CCNY: variants seen among roughly 807,000 people sequenced by gnomAD.
CCNY encodes the protein cyclin Y, also known as cyclin-Y.
A neutral mutation model predicts 42.8 loss-of-function variants in CCNY; 19 were observed. The ratio of observed to expected loss-of-function variants is 0.44; its 90% CI spans 0.31 to 0.65. CCNY has a LOEUF of 0.65. Ranked by LOEUF, CCNY falls within the 30% of genes least tolerant of loss-of-function variation. CCNY has a pLI of 0.07. For missense variants in CCNY, 370 were observed against 437.3 expected, an observed-to-expected ratio of 0.85 and a Z score of 1.37; for synonymous variants, 165 against 162.7, an observed-to-expected ratio of 1.01 and a Z score of -0.11.
At chr10:35,435,134 G>A (rs1838500738) in intron 1 of CCNY, among the ~76,000 whole-genome samples, 1 of 152,186 alleles carries the variant, frequency 6.6e-6, no homozygotes, top group African/African-American at 2.4e-5. Flanking sequence ...TGACTGGGGA[G>A]AGTGTCTATC....
chr10:35,463,300 A>G (rs755461690), intron 1 of CCNY, among the ~76,000 whole-genome samples: 22 of 152,136 alleles, frequency 1.4e-4, no homozygotes, highest in Non-Finnish European at 2.8e-4. Context: ...CACATGGTAG[A>G]TGCTTACTAA....
At chr10:35,514,574 G>T (rs373872371) in intron 3 of CCNY, among the ~76,000 whole-genome samples, 1 of 152,160 alleles carries the variant, frequency 6.6e-6, no homozygotes, top group African/African-American at 2.4e-5. Flanking sequence ...GTATTCTGAG[G>T]GTTCCCATGA....
intron 1 of CCNY, among the ~76,000 whole-genome samples, chr10:35,396,662 A>G (rs910874780): frequency 2.0e-5 from 3 of 152,208 alleles, no homozygotes; most frequent in Non-Finnish European, 4.4e-5. Flanking sequence ...AGTTTCACCT[A>G]GGCCTCAGGG....
At chr10:35,255,300 G>A (rs376994716) in intron 3 of CCNY, among the ~76,000 whole-genome samples, 1 of 151,214 alleles carries the variant, frequency 6.6e-6, no homozygotes, top group Non-Finnish European at 1.5e-5. Context: ...GGTCTGTGAG[G>A]TGCATAGATA....
chr10:35,493,261 G>A (rs922600153), intron 2 of CCNY, among the ~76,000 whole-genome samples: 2 of 152,160 alleles, frequency 1.3e-5, no homozygotes, highest in African/African-American at 4.8e-5. Flanking sequence ...TGCTCAGTGA[G>A]CACAGATCCA....
intron 1 of CCNY, among the ~76,000 whole-genome samples, chr10:35,447,216 G>T (rs1467137359): frequency 6.6e-6 from 1 of 152,256 alleles, no homozygotes; most frequent in Non-Finnish European, 1.5e-5. Context: ...GGCGGAGCTT[G>T]CAGTGAGCTG....
chr10:35,393,599 T>TA (rs1188532589), intron 1 of CCNY, among the ~76,000 whole-genome samples: 47 of 152,338 alleles, frequency 3.1e-4, no homozygotes, highest in African/African-American at 1.1e-3. Context: ...TGTTTTTCCT[T>TA]ACATCTTTTC....
intron 1 of CCNY, among the ~76,000 whole-genome samples, chr10:35,365,308 G>A (rs1428315780): frequency 1.3e-5 from 2 of 152,218 alleles, no homozygotes; most frequent in Non-Finnish European, 2.9e-5. Context: ...TTGTCCTCAT[G>A]ATATAAAGAC....
chr10:35,338,499 A>G (rs995168209), intron 1 of CCNY, among the ~76,000 whole-genome samples: 14 of 152,216 alleles, frequency 9.2e-5, no homozygotes, highest in Admixed American at 2.6e-4. Flanking sequence ...AACTACAGCC[A>G]TACTTTCTTC....
At chr10:35,529,007 A>G (rs1191981141) in intron 5 of CCNY, among the ~76,000 whole-genome samples, 4 of 152,226 alleles carry the variant, frequency 2.6e-5, no homozygotes. Flanking sequence ...CTTAAATTTC[A>G]TATAACAGAT....
intron 1 of CCNY, among the ~76,000 whole-genome samples, chr10:35,376,182 G>A (rs1233855636): frequency 6.6e-6 from 1 of 152,188 alleles, no homozygotes; most frequent in Admixed American, 6.5e-5. Flanking sequence ...ACCATGTATA[G>A]TGTTAAAAAT....
chr10:35,477,588 C>A (rs1229598169), intron 1 of CCNY, among the ~76,000 whole-genome samples: 1 of 151,828 alleles, frequency 6.6e-6, no homozygotes, highest in East Asian at 1.9e-4. Flanking sequence ...AATTCAACAA[C>A]CCTTCATGCT....
At chr10:35,492,482 C>T (rs1244676922) in intron 2 of CCNY, among the ~76,000 whole-genome samples, 1 of 152,160 alleles carries the variant, frequency 6.6e-6, no homozygotes, top group Non-Finnish European at 1.5e-5. Flanking sequence ...TTCTTAGTGA[C>T]ACATAGAGTA....
intron 3 of CCNY, among the ~76,000 whole-genome samples, chr10:35,295,060 C>T (rs530886994): frequency 1.2e-4 from 18 of 151,888 alleles, no homozygotes; most frequent in African/African-American, 4.3e-4. Flanking sequence ...GAGGCTGAGG[C>T]AGATGGATTG....
At position 35,278,990 on chromosome 10, in the gene CCNY, A is replaced by C. The variant is rs574618077; in HGVS notation, c.-9+28364A>C. On this transcript the variant is annotated intron_variant, in intron 3 of 11. Transcript: ENST00000374706. ...GGTAATGCCGCCCATAGAAAAACAA[A>C]CAACCAAACAAGACACCCTCTGTTG... Among the ~76,000 whole-genome samples the C allele has an allele frequency of 5.3e-5, 8 of 152,308 alleles. 1 individual carries two copies. The East Asian group carries it at 1.2e-3, about 22-fold the overall frequency.
At chr10:35,250,038 CA>C (rs1179253836) in intron 2 of CCNY, among the ~76,000 whole-genome samples, 1 of 151,868 alleles carries the variant, frequency 6.6e-6, no homozygotes, top group African/African-American at 2.4e-5. Context: ...ACTAAAAATA[CA>C]AAAAATTAGC....
At chr10:35,482,751 T>TA (rs1334250418) in intron 1 of CCNY, among the ~76,000 whole-genome samples, 6 of 42,742 alleles carry the variant, frequency 1.4e-4, no homozygotes, top group African/African-American at 1.1e-3. Flanking sequence ...TGGAAATAGG[T>TA]GTGTGTGTGT....
chr10:35,257,278 C>A (rs2095716383), intron 3 of CCNY, among the ~76,000 whole-genome samples: 1 of 119,944 alleles, frequency 8.3e-6, no homozygotes, highest in Non-Finnish European at 1.7e-5. Flanking sequence ...TTCTTTTTTT[C>A]CTTTCTTTCT....
At chr10:35,405,997 G>C (rs905637278) in intron 1 of CCNY, among the ~76,000 whole-genome samples, 2 of 152,126 alleles carry the variant, frequency 1.3e-5, no homozygotes, top group African/African-American at 2.4e-5. Context: ...TGGTTCAGGC[G>C]TTTGGAGTTC....
Sources: gnomAD v4.1 joint callset for allele counts (sites outside exome capture counted in the v4.1 genomes callset) on GRCh38, gnomAD v4.1.1 for gene constraint, MANE v1.5 for transcripts, NCBI Gene and HGNC (gene_info 2026-07-23, HGNC 2026-07-21) for gene names.